The following DMD variants were observed in gnomAD, a reference collection of about 807,000 sequenced individuals.
DMD encodes the protein dystrophin.
A neutral mutation model predicts 330.1 loss-of-function variants in DMD; 63 were observed. The observed-to-expected ratio is 0.19, with a 90% CI of 0.16 to 0.24. DMD has a LOEUF of 0.24. DMD is among the 10% of genes least tolerant of loss of function. The pLI is 1.00. For missense variants in DMD, 3,344 were observed against 2,684.1 expected (o/e 1.25, Z -5.43); for synonymous variants, 1,223 against 959.8 (o/e 1.27, Z -5.07).
chrX:31,395,485 C>A (rs1356169765), intron 60 of DMD, among the ~76,000 whole-genome samples: 1 of 112,225 alleles, frequency 8.9e-6, no homozygotes, highest in Non-Finnish European at 1.9e-5. Flanking sequence ...TACTTCAATA[C>A]CTGTTGAAAA....
chrX:32,513,121 C>T (rs998861016), intron 18 of DMD, among the ~76,000 whole-genome samples: 1 of 111,939 alleles, frequency 8.9e-6, no homozygotes, highest in Admixed American at 9.5e-5. Flanking sequence ...TGATTCATCA[C>T]AACCATAGCG....
At chrX:32,335,798 ATAAC>A (rs1313132362) in intron 41 of DMD, among the ~76,000 whole-genome samples, 3 of 104,314 alleles carry the variant, frequency 2.9e-5, no homozygotes, top group Non-Finnish European at 5.9e-5. Flanking sequence ...CATGTTATAT[ATAAC>A]ACGTGTATAT....
intron 55 of DMD, among the ~76,000 whole-genome samples, chrX:31,523,863 G>C (rs2073052431): frequency 8.9e-6 from 1 of 112,277 alleles, no homozygotes; most frequent in Non-Finnish European, 1.9e-5. Context: ...AAAGATATGA[G>C]ACAATGCCTG....
chrX:32,168,855 T>C (rs993898595), intron 44 of DMD, among the ~76,000 whole-genome samples: 8 of 111,803 alleles, frequency 7.2e-5, no homozygotes, highest in African/African-American at 2.6e-4. Flanking sequence ...CCCACATAAA[T>C]TACACAAAAT....
chrX:32,984,379 C>T (rs1252989998), intron 2 of DMD, among the ~76,000 whole-genome samples: 1 of 112,170 alleles, frequency 8.9e-6, no homozygotes, highest in Non-Finnish European at 1.9e-5. Flanking sequence ...CTCAGCCTCC[C>T]AAGTAGCTGG....
chrX:31,688,076 T>C (rs1313345190), intron 52 of DMD, among the ~76,000 whole-genome samples: 1 of 109,444 alleles, frequency 9.1e-6, no homozygotes, highest in Admixed American at 9.8e-5. Context: ...TATTTGAAAA[T>C]ACACAGCCAG....
At position 32,944,952 on chromosome X, in the gene DMD, C is replaced by T. The variant is rs192090427; in HGVS notation, c.93+75187G>A. Reference sequence around the variant, plus strand: ...TCTAATAGCTACATGGGCAAATGACCTTTCATTTAAGGTTTTCAACATTTT... The same window carrying T: ...TCTAATAGCTACATGGGCAAATGACTTTTCATTTAAGGTTTTCAACATTTT... On this transcript the variant is annotated intron_variant, in intron 2 of 78. Transcript: ENST00000357033. Among the ~76,000 whole-genome samples the T allele has an allele frequency of 1.4e-4, 15 of 110,860 alleles. No homozygotes were observed. In the East Asian group the frequency reaches 3.1e-3, roughly 23 times the overall value.
intron 1 of DMD, among the ~76,000 whole-genome samples, chrX:33,190,862 AT>A (rs1332864868): frequency 0.73 from 11,031 of 15,127 alleles, 4,565 homozygotes; most frequent in Non-Finnish European, 0.87. Context: ...AATATATAAT[AT>A]TATATATATA....
intron 44 of DMD, among the ~76,000 whole-genome samples, chrX:32,088,181 A>G (rs1307682100): frequency 8.9e-6 from 1 of 112,169 alleles, no homozygotes; most frequent in Non-Finnish European, 1.9e-5. Context: ...AGGAAATACA[A>G]TAACAGCTAA....
At chrX:31,283,156 T>C (rs184696040) in intron 62 of DMD, among the ~76,000 whole-genome samples, 21 of 111,594 alleles carry the variant, frequency 1.9e-4, no homozygotes, top group Admixed American at 1.0e-3. Context: ...ATTTTTAACA[T>C]AAAAATTAAC....
intron 28 of DMD, among the ~76,000 whole-genome samples, chrX:32,440,058 C>T (rs991386887): frequency 9.0e-6 from 1 of 111,451 alleles, no homozygotes; most frequent in Non-Finnish European, 1.9e-5. Flanking sequence ...ACTGTGAGAG[C>T]AAGAATTTAG....
intron 14 of DMD, 52 bp from the exon 15 acceptor site, chrX:32,573,689 T>C (rs1231020931): frequency 1.7e-6 from 2 of 1,197,015 alleles, no homozygotes; most frequent in Non-Finnish European, 2.3e-6. Flanking sequence ...ATCTTTACTT[T>C]TCCAATTTAA....
chrX:33,150,792 T>C (rs2048251289), intron 1 of DMD, among the ~76,000 whole-genome samples: 2 of 110,115 alleles, frequency 1.8e-5, no homozygotes, highest in African/African-American at 6.6e-5. Context: ...TGATTTCCCT[T>C]GCCCTACTAC....
intron 59 of DMD, among the ~76,000 whole-genome samples, chrX:31,463,510 C>G (rs949743993): frequency 8.9e-6 from 1 of 111,885 alleles, no homozygotes; most frequent in Non-Finnish European, 1.9e-5. Context: ...TCAAGCATGA[C>G]AGGAAGAAGC....
intron 47 of DMD, among the ~76,000 whole-genome samples, chrX:31,926,033 G>A (rs972244662): frequency 1.1e-4 from 12 of 110,964 alleles, no homozygotes; most frequent in African/African-American, 3.9e-4. Flanking sequence ...CCACATGCAT[G>A]TTCAGAGAAA....
At chrX:31,684,865 T>C (rs984850715) in intron 52 of DMD, among the ~76,000 whole-genome samples, 5 of 112,171 alleles carry the variant, frequency 4.5e-5, no homozygotes, top group African/African-American at 1.6e-4. Context: ...TGAGTAAGTC[T>C]AAGCTACTTT....
At chrX:32,955,991 C>T (rs1319236074) in intron 2 of DMD, among the ~76,000 whole-genome samples, 1 of 111,778 alleles carries the variant, frequency 8.9e-6, no homozygotes, top group East Asian at 2.8e-4. Context: ...CAGCTTTTCT[C>T]TTTTTGCTTA....
chrX:32,425,552 G>A (rs781561612), intron 29 of DMD, among the ~76,000 whole-genome samples: 7 of 111,126 alleles, frequency 6.3e-5, no homozygotes, highest in East Asian at 5.7e-4. Context: ...TCAGTTACTG[G>A]CCTTTCTTTC....
At chrX:32,642,271 G>A (rs1352186309) in intron 11 of DMD, among the ~76,000 whole-genome samples, 1 of 112,210 alleles carries the variant, frequency 8.9e-6, no homozygotes, top group Non-Finnish European at 1.9e-5. Flanking sequence ...AAGTCTATGT[G>A]ATAGAAGTGG....
Sources: gnomAD v4.1 joint callset for allele counts (sites outside exome capture counted in the v4.1 genomes callset) on GRCh38, gnomAD v4.1.1 for gene constraint, MANE v1.5 for transcripts, NCBI Gene and HGNC (gene_info 2026-07-23, HGNC 2026-07-21) for gene names.